Variants in DRGX observed in about 807,000 individuals in gnomAD.
DRGX encodes dorsal root ganglia homeobox protein.
In DRGX, 21 loss-of-function variants were observed where a neutral mutation model predicts 28.6. The observed-to-expected ratio is 0.73, with a 90% CI of 0.52 to 1.06. The LOEUF (loss-of-function observed/expected upper bound fraction) is 1.06. Among genes scored for constraint, DRGX ranks in the 50% least tolerant of loss-of-function variants. The pLI is 0.00. For synonymous variants in DRGX, 136 were observed against 139.1 expected, an observed-to-expected ratio of 0.98 and a Z score of 0.16; for missense variants, 354 against 343.9, an observed-to-expected ratio of 1.03 and a Z score of -0.23.
At chr10:49,386,327 A>C (rs984220264) in intron 6 of DRGX, 151 bp downstream of exon 6, 5 of 633,110 alleles carry the variant, frequency 7.9e-6, no homozygotes, top group Non-Finnish European at 1.3e-5. Flanking sequence ...AGCACTGGAC[A>C]GCACCAGTGG....
rs189936032 is a variant in DRGX, at chr10:49,385,734, C to A, written c.526+744G>T. Among the ~76,000 whole-genome samples, 167 of 152,210 alleles carry A rather than the reference C, an allele frequency of 1.1e-3. 1 individual carries two copies. The highest frequency in any genetic ancestry group is 3.4e-3 in the Middle Eastern group (1 of 292). On this transcript the variant is annotated intron_variant, in intron 6 of 6. Transcript: ENST00000374139. ...AAAAAGCCTACAGCCTGCACCTATG[C>A]CTCCACCTCCCAGACCCCCTGTGAC...
intron 6 of DRGX, among the ~76,000 whole-genome samples, chr10:49,367,670 A>C (rs992569139): frequency 6.6e-6 from 1 of 152,166 alleles, no homozygotes; most frequent in Non-Finnish European, 1.5e-5. Flanking sequence ...TGATAATGGA[A>C]AATACGAAGA....
intron 6 of DRGX, among the ~76,000 whole-genome samples, 163 bp downstream of exon 6, chr10:49,386,315 A>G (rs1590368716): frequency 6.6e-6 from 1 of 152,186 alleles, no homozygotes; most frequent in Non-Finnish European, 1.5e-5. Flanking sequence ...AGCAATCAAG[A>G]TAGCACTGGA....
At chr10:49,381,482 C>T (rs988566821) in intron 6 of DRGX, among the ~76,000 whole-genome samples, 5 of 152,270 alleles carry the variant, frequency 3.3e-5, no homozygotes, top group African/African-American at 1.2e-4. Flanking sequence ...GGCCCCAGCA[C>T]CAACCCTGCT....
intron 6 of DRGX, among the ~76,000 whole-genome samples, chr10:49,373,557 A>C (rs904304837): frequency 6.6e-6 from 1 of 152,170 alleles, no homozygotes; most frequent in African/African-American, 2.4e-5. Context: ...TCAGGGACTA[A>C]TGTCCTTACG....
chr10:49,391,230 C>T lies in DRGX; in HGVS notation c.66G>A (p.Gly22=). The change falls in exon 3 of 7, where the codon GGG becomes GGA. Residue 22 remains glycine, a synonymous_variant. Coordinates refer to ENST00000374139, the MANE Select transcript of DRGX (RefSeq NM_001276451.2). ...GTATFGNHSS[G]DFDDGFLRRK... Reference sequence around the variant, plus strand: ...TACGCAGAAACCCGTCATCAAAATCCCCCGAAGAGTGATTGCCAAAGGTTG... The same window carrying T: ...TACGCAGAAACCCGTCATCAAAATCTCCCGAAGAGTGATTGCCAAAGGTTG... 1 of 1,611,962 alleles carries T rather than the reference C, an allele frequency of 6.2e-7. No individual in the cohort carries two copies. Among genetic ancestry groups the T allele is most frequent in the South Asian group, 1.1e-5 (1 of 90,446 alleles).
intron 6 of DRGX, among the ~76,000 whole-genome samples, chr10:49,368,217 C>T (rs1849619267): frequency 6.6e-6 from 1 of 152,222 alleles, no homozygotes; most frequent in Non-Finnish European, 1.5e-5. Context: ...CAGATTTGCA[C>T]AGTTTATTGT....
At chr10:49,371,675 C>T (rs1849660592) in intron 6 of DRGX, among the ~76,000 whole-genome samples, 1 of 151,436 alleles carries the variant, frequency 6.6e-6, no homozygotes, top group Admixed American at 6.6e-5. Flanking sequence ...TCCTGTAATC[C>T]CAGGTACTCC....
chr10:49,395,351 GC>G, intron 2 of DRGX, 55 bp downstream of exon 2: 1 of 1,545,654 alleles, frequency 6.5e-7, no homozygotes, highest in Non-Finnish European at 8.7e-7. Context: ...TGCCGCTCCG[GC>G]CCTTTCTGGC....
At chr10:49,387,625 T>G (rs1849854229) in intron 4 of DRGX, among the ~76,000 whole-genome samples, 1 of 147,028 alleles carries the variant, frequency 6.8e-6, no homozygotes, top group African/African-American at 2.5e-5. Flanking sequence ...ATCATGCCAC[T>G]GCACTCCAGC....
In DRGX at chr10:49,384,429, A is replaced by T. The variant is rs77348453; in HGVS notation, c.526+2049T>A. Among the ~76,000 whole-genome samples, 14 of 152,284 alleles carry T rather than the reference A, an allele frequency of 9.2e-5. No homozygotes were observed. In the East Asian group the frequency reaches 2.7e-3, roughly 29 times the overall value. ...AAAGACACATCCAAGTTTGATGAGC[A>T]CACTGTGGTTCCTGCCACCTCCACA... is the stretch of plus-strand genomic sequence containing the variant. On this transcript the variant is annotated intron_variant, in intron 6 of 6. Transcript: ENST00000374139.
At chr10:49,373,205 C>T (rs1308662283) in intron 6 of DRGX, among the ~76,000 whole-genome samples, 2 of 152,038 alleles carry the variant, frequency 1.3e-5, no homozygotes, top group Admixed American at 1.3e-4. Context: ...ACCCATGGCC[C>T]AGTAATAGGG....
Position 49,364,095 on chromosome 10 carries a change from G to T in DRGX, c.*2021C>A, listed in dbSNP as rs1230734300. On this transcript the variant is annotated 3_prime_UTR_variant, in exon 7 of 7. Coordinates refer to ENST00000374139, the MANE Select transcript of DRGX (RefSeq NM_001276451.2). ...TTTTAACTCCTCTAAATTTATTTGG[G>T]TATTTAAACAAACAGAAACTACATC... The T allele has an allele frequency of 6.6e-6, 1 of 152,172 alleles. No homozygotes were observed. Among genetic ancestry groups the T allele is most frequent in the Non-Finnish European group, 1.5e-5 (1 of 68,036 alleles). The allele number at this position is 152,172 out of a possible 1,614,324, so 9.4% of individuals were successfully genotyped here. A position where few individuals can be genotyped will look rare whatever the true frequency, so the allele number is the denominator to read the frequency against.
intron 6 of DRGX, among the ~76,000 whole-genome samples, chr10:49,382,430 G>A (rs973026082): frequency 6.6e-6 from 1 of 152,226 alleles, no homozygotes; most frequent in African/African-American, 2.4e-5. Context: ...CTGAGAAAAG[G>A]AGAACTAGTT....
Position 49,365,774 on chromosome 10 carries a change from G to A in DRGX, c.*342C>T. 4.7e-6 allele frequency: 1 copy of A among 214,062 alleles called. No homozygotes were observed. Among genetic ancestry groups the A allele is most frequent in the East Asian group, 1.0e-4 (1 of 9,810 alleles). The allele number at this position is 214,062 out of a possible 1,614,324, so 13.3% of individuals were successfully genotyped here. On this transcript the variant is annotated 3_prime_UTR_variant, in exon 7 of 7. Transcript: ENST00000374139. ...ACAAGACCTTCAAAGGCAGCCCAGG[G>A]AGGAAATAGGAAGGGAGACGGATGA...
intron 6 of DRGX, among the ~76,000 whole-genome samples, 159 bp downstream of exon 6, chr10:49,386,319 C>G (rs1044268445): frequency 6.6e-6 from 1 of 152,146 alleles, no homozygotes; most frequent in African/African-American, 2.4e-5. Context: ...ATCAAGATAG[C>G]ACTGGACAGC....
chr10:49,390,182 G>A lies in DRGX; in HGVS notation c.185C>T (p.Thr62Ile). 6.2e-7 allele frequency: 1 copy of A among 1,613,272 alleles called. No individual in the cohort carries two copies. The highest frequency in any genetic ancestry group is 8.5e-7 in the Non-Finnish European group (1 of 1,179,664). The change falls in exon 4 of 7, where the codon ACC (threonine) becomes ATC (isoleucine). Residue 62 changes from threonine (T) to isoleucine (I), a missense_variant. Coordinates refer to ENST00000374139, the MANE Select transcript of DRGX (RefSeq NM_001276451.2). ...TATTTTCATGGCGAGCTCTTCTCTGGTGAAGACATCTGGATAGTGTGTTTG... is the reference window on the plus strand; with the variant it reads ...TATTTTCATGGCGAGCTCTTCTCTGATGAAGACATCTGGATAGTGTGTTTG... The part of the protein sequence containing the change: ...FAQTHYPDVF[T>I]REELAMKINL...
At chr10:49,385,966 C>T (rs1338598293) in intron 6 of DRGX, among the ~76,000 whole-genome samples, 1 of 152,084 alleles carries the variant, frequency 6.6e-6, no homozygotes, top group East Asian at 1.9e-4. Flanking sequence ...TGACAAAATG[C>T]CCCTAACGAT....
chr10:49,389,824 TTTTCTTTC>T (rs199760333), intron 4 of DRGX, among the ~76,000 whole-genome samples: 1 of 151,980 alleles, frequency 6.6e-6, no homozygotes, highest in South Asian at 2.1e-4. Context: ...ATCTCAGCTC[TTTTCTTTC>T]TTTCTTTCTT....
Sources: gnomAD v4.1 joint callset for allele counts (sites outside exome capture counted in the v4.1 genomes callset) on GRCh38, gnomAD v4.1.1 for gene constraint, MANE v1.5 for transcripts, NCBI Gene and HGNC (gene_info 2026-07-23, HGNC 2026-07-21) for gene names.